SEMA5A: variants seen among roughly 807,000 people sequenced by gnomAD.
SEMA5A encodes semaphorin 5A.
In SEMA5A, 55 loss-of-function variants were observed where a neutral mutation model predicts 135.5. The ratio of observed to expected loss-of-function variants is 0.41; its 90% confidence interval spans 0.33 to 0.51. SEMA5A has a LOEUF of 0.51. Ranked by LOEUF, SEMA5A falls within the 20% of genes least tolerant of loss-of-function variation. The probability of loss-of-function intolerance (pLI) is 0.37; values close to 1 mark genes in which losing one functional copy is unlikely to be tolerated. For missense variants in SEMA5A, 1,290 were observed against 1,419.9 expected, an observed-to-expected ratio of 0.91 and a Z score of 1.47; for synonymous variants, 580 against 546.5, an observed-to-expected ratio of 1.06 and a Z score of -0.85.
chr5:9,477,820 T>C (rs979252793), intron 1 of SEMA5A, among the ~76,000 whole-genome samples: 3 of 152,172 alleles, frequency 2.0e-5, no homozygotes, highest in African/African-American at 7.2e-5. Context: ...AGTCTGACCA[T>C]GCAGTAGAAA....
intron 3 of SEMA5A, chr5:9,363,503 T>C (rs898383199): frequency 1.3e-5 from 2 of 152,094 alleles, no homozygotes; most frequent in Non-Finnish European, 2.9e-5. Flanking sequence ...TTCTAGAAGG[T>C]CACATGGTGA....
intron 5 of SEMA5A, among the ~76,000 whole-genome samples, chr5:9,246,791 C>T (rs1748504220): frequency 6.6e-6 from 1 of 152,154 alleles, no homozygotes. Flanking sequence ...TAGGAAAACA[C>T]AACTTGATAT....
chr5:9,375,261 A>G (rs1755316908), intron 3 of SEMA5A, among the ~76,000 whole-genome samples: 1 of 152,150 alleles, frequency 6.6e-6, no homozygotes, highest in South Asian at 2.1e-4. Context: ...ATGTGACCGT[A>G]TTTGGAAACG....
chr5:9,409,899 C>G (rs1214148202), intron 2 of SEMA5A, among the ~76,000 whole-genome samples: 1 of 147,760 alleles, frequency 6.8e-6, no homozygotes, highest in Non-Finnish European at 1.5e-5. Flanking sequence ...TGCCCCCACC[C>G]CCACCGTTCT....
intron 12 of SEMA5A, among the ~76,000 whole-genome samples, chr5:9,146,171 C>T (rs1487929539): frequency 6.6e-6 from 1 of 152,134 alleles, no homozygotes; most frequent in Non-Finnish European, 1.5e-5. Context: ...CACTGGAATA[C>T]ACTGTGCTCC....
At chr5:9,181,971 C>A (rs1318348519) in intron 11 of SEMA5A, among the ~76,000 whole-genome samples, 1 of 151,980 alleles carries the variant, frequency 6.6e-6, no homozygotes, top group Non-Finnish European at 1.5e-5. Flanking sequence ...TCACCCCAAT[C>A]TCTCTGCACC....
intron 16 of SEMA5A, among the ~76,000 whole-genome samples, chr5:9,088,302 C>CA (rs58686803): frequency 0.16 from 11,113 of 67,918 alleles, 750 homozygotes; most frequent in East Asian, 0.39. Context: ...GACTCCATCT[C>CA]AAAAAAAAAA....
chr5:9,442,940 G>A (rs552120812), intron 1 of SEMA5A, among the ~76,000 whole-genome samples: 35 of 152,280 alleles, frequency 2.3e-4, no homozygotes, highest in African/African-American at 8.4e-4. Context: ...ATGAGTAAAG[G>A]ACACTATTTT....
chr5:9,520,129 A>G (rs1180348017), intron 1 of SEMA5A, among the ~76,000 whole-genome samples: 1 of 152,140 alleles, frequency 6.6e-6, no homozygotes, highest in African/African-American at 2.4e-5. Context: ...CCCACCCCCA[A>G]ATTGTAACCT....
intron 4 of SEMA5A, among the ~76,000 whole-genome samples, chr5:9,320,322 T>C (rs185999028): frequency 6.1e-4 from 93 of 152,292 alleles, no homozygotes; most frequent in Non-Finnish European, 8.2e-4. Flanking sequence ...TACAGCCCTC[T>C]ATGTAGAACC....
chr5:9,423,346 C>A (rs1757535408), intron 2 of SEMA5A, among the ~76,000 whole-genome samples: 2 of 152,160 alleles, frequency 1.3e-5, no homozygotes, highest in Non-Finnish European at 2.9e-5. Flanking sequence ...AATGACTTAT[C>A]CTTAGTTATC....
intron 1 of SEMA5A, among the ~76,000 whole-genome samples, chr5:9,480,664 C>T (rs1390357446): frequency 1.3e-5 from 2 of 152,116 alleles, no homozygotes; most frequent in Non-Finnish European, 2.9e-5. Context: ...GGTCCTGGAG[C>T]CTTCAGAGGA....
At chr5:9,176,658 T>C (rs188788460) in intron 11 of SEMA5A, among the ~76,000 whole-genome samples, 2 of 152,360 alleles carry the variant, frequency 1.3e-5, no homozygotes, top group African/African-American at 4.8e-5. Flanking sequence ...AGGTTAGCTG[T>C]CCTGCTCTTG....
intron 16 of SEMA5A, among the ~76,000 whole-genome samples, chr5:9,090,595 G>A (rs952111335): frequency 1.3e-5 from 2 of 152,234 alleles, no homozygotes; most frequent in African/African-American, 4.8e-5. Context: ...GAAACAGACA[G>A]TTCTCCACTA....
chr5:9,534,891 C>T (rs1162768352), intron 1 of SEMA5A, among the ~76,000 whole-genome samples: 1 of 152,192 alleles, frequency 6.6e-6, no homozygotes, highest in Admixed American at 6.5e-5. Context: ...TTAAAAATGC[C>T]TTTCAGGATT....
chr5:9,208,422 T>A (rs986198656), intron 8 of SEMA5A, among the ~76,000 whole-genome samples: 1 of 152,008 alleles, frequency 6.6e-6, no homozygotes, highest in African/African-American at 2.4e-5. Flanking sequence ...AGTAAACTGA[T>A]AGACACAGCC....
chr5:9,064,697 A>G (rs1340662830), intron 17 of SEMA5A, among the ~76,000 whole-genome samples: 3 of 152,178 alleles, frequency 2.0e-5, no homozygotes, highest in Non-Finnish European at 2.9e-5. Context: ...ACTGTACTCC[A>G]GCCTGGGCAA....
At chr5:9,246,538 T>C (rs1414983757) in intron 5 of SEMA5A, among the ~76,000 whole-genome samples, 1 of 152,196 alleles carries the variant, frequency 6.6e-6, no homozygotes, top group Non-Finnish European at 1.5e-5. Context: ...AGCAATTAGA[T>C]ATATCACAAG....
At chr5:9,432,938 T>C (rs1435085180) in intron 2 of SEMA5A, among the ~76,000 whole-genome samples, 1 of 152,210 alleles carries the variant, frequency 6.6e-6, no homozygotes, top group African/African-American at 2.4e-5. Context: ...TGTTAAAATA[T>C]AGTCATAGGT....
Sources: allele counts gnomAD v4.1 joint callset (sites outside exome capture counted in the v4.1 genomes callset), GRCh38; gene constraint gnomAD v4.1.1; transcripts MANE v1.5; gene names NCBI Gene and HGNC (gene_info 2026-07-23, HGNC 2026-07-21).